Variants in ZNF469 observed in about 807,000 individuals in gnomAD.
ZNF469 encodes zinc finger protein 469.
ZNF469 carries 1 observed loss-of-function variant against 1.0 expected under a neutral mutation model. That is an observed-to-expected ratio of 1.00 (90% CI 0.35 to 4.73). The LOEUF (loss-of-function observed/expected upper bound fraction) is 4.73. Among genes scored for constraint, ZNF469 ranks in the 30% most tolerant of loss-of-function variants. The pLI is 0.16. For synonymous variants in ZNF469, 2,703 were observed against 2,363.4 expected (o/e 1.14, Z -4.17); for missense variants, 6,100 against 5,356.3 (o/e 1.14, Z -4.33).
chr16:88,423,993 T>A (rs989272519), intron 1 of ZNF469, among the ~76,000 whole-genome samples: 5 of 152,240 alleles, frequency 3.3e-5, no homozygotes, highest in Non-Finnish European at 7.3e-5. Flanking sequence ...GTGGCCATAT[T>A]TTAAAACCAT....
At chr16:88,113,975 G>A in the ZNF469 span, among the ~76,000 whole-genome samples, 44 of 152,312 alleles carry the variant, frequency 2.9e-4, no homozygotes, top group Non-Finnish European at 5.1e-4. Context: ...TGGGCCGTGC[G>A]ATGGGAGGTC....
intron 1 of ZNF469, among the ~76,000 whole-genome samples, chr16:88,400,173 G>A (rs1237658042): frequency 2.0e-5 from 3 of 152,208 alleles, no homozygotes; most frequent in East Asian, 3.9e-4. Flanking sequence ...AGGTGAGGAC[G>A]GGCACCCAGC....
In ZNF469 at chr16:88,428,226, C is replaced by T. The variant is rs767535517; in HGVS notation, c.756C>T (p.Pro252=). The T allele has an allele frequency of 1.0e-5, 16 of 1,550,216 alleles. No homozygotes were observed. The highest frequency in any genetic ancestry group is 4.9e-5 in the East Asian group (2 of 40,924). Residue 252 remains proline, a synonymous_variant, in exon 3 of 3, where the codon CCC becomes CCT. Transcript: ENST00000565624. ...SFPGANFGVP[P]AEPEPIPKGS... Reference sequence around the variant, plus strand: ...CAGGTGCTAATTTCGGGGTTCCCCCCGCCGAGCCGGAACCTATTCCCAAAG... The same window carrying T: ...CAGGTGCTAATTTCGGGGTTCCCCCTGCCGAGCCGGAACCTATTCCCAAAG...
the ZNF469 span, among the ~76,000 whole-genome samples, chr16:88,356,340 C>G: frequency 6.6e-6 from 1 of 152,166 alleles, no homozygotes; most frequent in South Asian, 2.1e-4. Flanking sequence ...TCTTGAAGCC[C>G]TAGCGGGCTT....
At chr16:88,196,273 G>A in the ZNF469 span, among the ~76,000 whole-genome samples, 1 of 152,210 alleles carries the variant, frequency 6.6e-6, no homozygotes, top group African/African-American at 2.4e-5. Flanking sequence ...AACAAGACCT[G>A]CAGCCTGTGC....
rs768864900 is a variant in ZNF469 at position 88,432,248 on chromosome 16, C to T, written c.4778C>T (p.Ser1593Leu). 37 of 1,548,554 alleles carry T rather than the reference C, an allele frequency of 2.4e-5. No individual in the cohort carries two copies. The highest frequency in any genetic ancestry group is 2.9e-5 in the Non-Finnish European group (33 of 1,146,992). The change falls in exon 3 of 3, where the codon TCG becomes TTG. Residue 1593 changes from serine to leucine, a missense_variant. By Grantham distance (145) the Ser-to-Leu change is moderately radical. Transcript: ENST00000565624. The stretch of plus-strand genomic sequence containing the variant: ...CCGAGAGAGCTTGCAGAAGCTGAGT[C>T]GGTGGGCAGGGTGGAGCTCGGCACA... ...GAPRELAEAE[S>L]VGRVELGTGT...
chr16:88,107,820 A>G, the ZNF469 span, among the ~76,000 whole-genome samples: 1 of 152,334 alleles, frequency 6.6e-6, no homozygotes, highest in South Asian at 2.1e-4. Flanking sequence ...AGAGCACAGC[A>G]CTGTAGCCCT....
At chr16:88,367,389 C>T in the ZNF469 span, among the ~76,000 whole-genome samples, 1 of 152,186 alleles carries the variant, frequency 6.6e-6, no homozygotes, top group Non-Finnish European at 1.5e-5. Context: ...AGTGACGGAG[C>T]TGTGATTAGC....
the ZNF469 span, among the ~76,000 whole-genome samples, chr16:88,176,743 C>T: frequency 6.6e-6 from 1 of 152,258 alleles, no homozygotes; most frequent in Non-Finnish European, 1.5e-5. Flanking sequence ...CCACATACAG[C>T]CCCGGCCCCT....
At chr16:88,427,294 C>T (rs1004482360) in intron 2 of ZNF469, among the ~76,000 whole-genome samples, 51 bp from the exon 3 acceptor site, 2 of 152,138 alleles carry the variant, frequency 1.3e-5, no homozygotes, top group South Asian at 2.1e-4. Flanking sequence ...CCTGTCTAGG[C>T]GAGGGCCACC....
chr16:88,438,098 T>A lies in ZNF469; in HGVS notation c.10628T>A (p.Leu3543Gln). Residue 3543 changes from leucine (L) to glutamine (Q), a missense_variant, in exon 3 of 3, where the codon CTG becomes CAG. Leu to Gln is a moderately radical substitution (Grantham distance 113). Transcript: ENST00000565624. Reference sequence around the variant, plus strand: ...ACCCACCCGATCAGAGGTTGTGAGCTGCCATCCAACCACCAGGAGTGTCCC... The same window carrying A: ...ACCCACCCGATCAGAGGTTGTGAGCAGCCATCCAACCACCAGGAGTGTCCC... ...PVTHPIRGCE[L>Q]PSNHQECPPP... 1 of 1,550,394 alleles carries A rather than the reference T, an allele frequency of 6.4e-7. No individual in the cohort carries two copies. Among genetic ancestry groups the A allele is most frequent in the Non-Finnish European group, 8.7e-7 (1 of 1,146,954 alleles).
the ZNF469 span, among the ~76,000 whole-genome samples, chr16:88,111,258 T>C: frequency 6.6e-6 from 1 of 152,214 alleles, no homozygotes; most frequent in Admixed American, 6.5e-5. Context: ...TCTAAAGACT[T>C]TTTTTTGTGG....
chr16:88,437,203 G>T lies in ZNF469; in HGVS notation c.9733G>T (p.Ala3245Ser), dbSNP rs1906648237. The T allele has an allele frequency of 2.6e-6, 4 of 1,549,354 alleles. No homozygotes were observed. Among genetic ancestry groups the T allele is most frequent in the Non-Finnish European group, 3.5e-6 (4 of 1,146,548 alleles). Reference protein sequence around the residue: ...APKHHRGKRSAGKAAGSPGDP... With the variant: ...APKHHRGKRSSGKAAGSPGDP... ...CAAACACCACAGGGGCAAGCGCTCC[G>T]CCGGCAAGGCCGCCGGGAGCCCGGG... Residue 3245 changes from alanine (A) to serine (S), a missense_variant, in exon 3 of 3, where the codon GCC becomes TCC. Transcript: ENST00000565624.
chr16:88,123,599 C>A, the ZNF469 span, among the ~76,000 whole-genome samples: 2 of 152,098 alleles, frequency 1.3e-5, no homozygotes, highest in Non-Finnish European at 1.5e-5. Context: ...TGCGGGGCCA[C>A]GTGGTGAGTA....
the ZNF469 span, among the ~76,000 whole-genome samples, chr16:88,343,672 C>A: frequency 6.6e-6 from 1 of 152,032 alleles, no homozygotes; most frequent in African/African-American, 2.4e-5. Context: ...GGGGGCTGAG[C>A]CTGGTGGCTC....
the ZNF469 span, among the ~76,000 whole-genome samples, chr16:88,235,564 C>T: frequency 3.9e-5 from 6 of 152,314 alleles, no homozygotes; most frequent in African/African-American, 9.6e-5. Context: ...TTTTCAGTAG[C>T]GGGACGGGAA....
the ZNF469 span, among the ~76,000 whole-genome samples, chr16:88,320,408 G>C: frequency 6.6e-6 from 1 of 152,166 alleles, no homozygotes; most frequent in African/African-American, 2.4e-5. Flanking sequence ...CTCGGAGACA[G>C]AATCTTGCTC....
chr16:88,282,235 T>A, the ZNF469 span, among the ~76,000 whole-genome samples: 1 of 152,150 alleles, frequency 6.6e-6, no homozygotes, highest in Non-Finnish European at 1.5e-5. Context: ...CAGAGGGCAG[T>A]GCTGGCTCCA....
chr16:88,171,865 G>A, the ZNF469 span, among the ~76,000 whole-genome samples: 2 of 152,180 alleles, frequency 1.3e-5, no homozygotes, highest in Admixed American at 6.5e-5. Context: ...AAATTTTACT[G>A]CTATTTGGAC....
Sources: allele counts gnomAD v4.1 joint callset (sites outside exome capture counted in the v4.1 genomes callset), GRCh38; gene constraint gnomAD v4.1.1; transcripts MANE v1.5; gene names NCBI Gene and HGNC (gene_info 2026-07-23, HGNC 2026-07-21).